The following NAV1 variants were observed in gnomAD, a reference collection of about 807,000 sequenced individuals.
NAV1 encodes the protein pore membrane and/or filament interacting like protein 3.
Under a neutral mutation model 175.2 loss-of-function variants are expected in NAV1, and 18 were observed. The observed-to-expected ratio is 0.10, with a 90% confidence interval of 0.07 to 0.15. The LOEUF is 0.15. NAV1 is among the 10% of genes least tolerant of loss of function. The pLI is 1.00. For missense variants in NAV1, 1,731 were observed against 2,436.6 expected, an observed-to-expected ratio of 0.71 and a Z score of 6.10; for synonymous variants, 897 against 978.7, an observed-to-expected ratio of 0.92 and a Z score of 1.56.
intron 1 of NAV1, among the ~76,000 whole-genome samples, chr1:201,665,233 C>T (rs932936922): frequency 4.0e-5 from 6 of 148,860 alleles, no homozygotes; most frequent in Non-Finnish European, 8.9e-5. Context: ...TCCAGTTGGG[C>T]TCCTCTCCGT....
intron 1 of NAV1, among the ~76,000 whole-genome samples, chr1:201,703,537 C>T (rs1339459037): frequency 6.6e-6 from 1 of 152,348 alleles, no homozygotes; most frequent in East Asian, 1.9e-4. Context: ...GCCAGGCACC[C>T]TCTCCTGGTC....
intron 1 of NAV1, among the ~76,000 whole-genome samples, chr1:201,656,993 C>T (rs531284020): frequency 6.6e-6 from 1 of 152,320 alleles, no homozygotes; most frequent in South Asian, 2.1e-4. Context: ...ACCCAGCAGG[C>T]CCTGCCTTCT....
Position 201,565,673 on chromosome 1 carries a change from C to G in NAV1, c.-143-22866C>G, listed in dbSNP as rs1666334411. ...TGAGGCAGTATCGCTATTTGCAAAG[C>G]GTTTTGCAATCATTTTTATTAGCAG... On this transcript the variant is annotated intron_variant, in intron 1 of 33. Transcript: ENST00000685211. Among the ~76,000 whole-genome samples, 2 of 152,206 alleles carry G rather than the reference C, an allele frequency of 1.3e-5. 1 individual carries two copies. The highest frequency in any genetic ancestry group is 4.1e-4 in the South Asian group (2 of 4,832).
rs1571495092 is a variant in NAV1 at position 201,788,713 on chromosome 1, A to G, written c.3166+75A>G. On this transcript the variant is annotated intron_variant, in intron 10 of 29. Coordinates refer to ENST00000367296, the Ensembl canonical transcript of NAV1. This position sits in a 1 kb window ranked among gnomAD's most constrained non-coding sequence, Gnocchi z 5.7. ...CCCCTCACCCACCACCTCCACTCCCACCACTCCTACCACCACACACATATA... is the reference window on the plus strand; with the variant it reads ...CCCCTCACCCACCACCTCCACTCCCGCCACTCCTACCACCACACACATATA... 3.6e-6 allele frequency: 5 copies of G among 1,402,162 alleles called. No individual in the cohort carries two copies. In the East Asian group the frequency reaches 1.2e-4, roughly 32 times the overall value. The allele number at this position is 1,402,162 out of a possible 1,614,324, so 86.9% of individuals were successfully genotyped here. A position where few individuals can be genotyped will look rare whatever the true frequency, so the allele number is the denominator to read the frequency against.
rs34738806 is a variant in NAV1, at chr1:201,813,672, T to TAA, written c.5340+424_5340+425dup. 5.0e-4 allele frequency among the ~76,000 whole-genome samples: 74 copies of TAA among 148,402 alleles called. No individual in the cohort carries two copies. Among genetic ancestry groups the TAA allele is most frequent in the Admixed American group, 7.3e-4 (11 of 14,970 alleles). On this transcript the variant is annotated intron_variant, in intron 28 of 29. Transcript: ENST00000367296. The surrounding 1 kb of genome is among the most constrained non-coding windows in gnomAD (Gnocchi z 4.2). The stretch of plus-strand genomic sequence containing the variant: ...TGACCTTTTTAAATACCCTCATATG[T>TAA]AAAAAAAAAAAGGAGACATCACCTT...
intron 13 of NAV1, 195 bp from the exon 18 acceptor site, chr1:201,793,597 G>A (rs1044097990): frequency 3.6e-6 from 2 of 557,162 alleles, no homozygotes; most frequent in Admixed American, 6.2e-5. Context: ...CAAGAAGCTG[G>A]TTCCCACCAG....
intron 2 of NAV1, among the ~76,000 whole-genome samples, chr1:201,609,642 G>A (rs1667790047): frequency 6.6e-6 from 1 of 152,222 alleles, no homozygotes; most frequent in South Asian, 2.1e-4. Context: ...GAGCTGACAG[G>A]TCTGGTGGGA....
chr1:201,548,268 T>C (rs115104981), intron 1 of NAV1, among the ~76,000 whole-genome samples: 1,799 of 152,332 alleles, frequency 0.012, 17 homozygotes, highest in Non-Finnish European at 0.019. Context: ...CTGGGCAGGC[T>C]GTAAATAGCT....
chr1:201,776,358 A>T (rs1389089777), intron 3 of NAV1, among the ~76,000 whole-genome samples: 1 of 149,844 alleles, frequency 6.7e-6, no homozygotes, highest in African/African-American at 2.4e-5. Flanking sequence ...AAAAAAAAAA[A>T]AGTTCGGGCA....
intron 3 of NAV1, among the ~76,000 whole-genome samples, chr1:201,777,597 AT>A (rs201612005): frequency 1.6e-5 from 2 of 125,182 alleles, no homozygotes; most frequent in Admixed American, 7.8e-5. Flanking sequence ...TTTAACTTTT[AT>A]TTTTTTTTCA....
At position 201,811,895 on chromosome 1, in the gene NAV1, C is replaced by T. The variant is rs776822063; in HGVS notation, c.4953-8C>T. ...CTAAGTGAATCTTTTTCCCCTTTCT[C>T]CCTACAGTCCCTATATTATAGGTAC... On this transcript the variant is annotated splice_region_variant and splice_polypyrimidine_tract_variant and intron_variant, in intron 25 of 29. Transcript: ENST00000367296. 5 of 1,614,046 alleles carry T rather than the reference C, an allele frequency of 3.1e-6. No homozygotes were observed. Among genetic ancestry groups the T allele is most frequent in the East Asian group, 4.5e-5 (2 of 44,878 alleles).
At chr1:201,684,340 A>G (rs1670586036) in intron 1 of NAV1, among the ~76,000 whole-genome samples, 1 of 152,136 alleles carries the variant, frequency 6.6e-6, no homozygotes, top group Admixed American at 6.5e-5. Flanking sequence ...ATGTAAACAT[A>G]GCTGTCTATC....
rs1310533801 is a variant in NAV1 at position 201,782,268 on chromosome 1, C to T, written c.1756C>T (p.Leu586=). Residue 586 remains leucine (L), a synonymous_variant, in exon 6 of 30, where the codon CTG becomes TTG. Transcript: ENST00000367296. This position sits in a 1 kb window ranked among gnomAD's most constrained non-coding sequence, Gnocchi z 5.4. The stretch of plus-strand genomic sequence containing the variant: ...CTCCTCTGATGCTGGTCGGGACCGC[C>T]TGAGTGATGCTAAGAAGCCCCCCTC... The T allele has an allele frequency of 1.9e-6, 3 of 1,614,106 alleles. No individual in the cohort carries two copies. Among genetic ancestry groups the T allele is most frequent in the Admixed American group, 1.7e-5 (1 of 60,010 alleles).
rs557452027 is a variant in NAV1 at position 201,649,307 on chromosome 1, C to T, written c.639C>T (p.Ser213=). ...CCAGCAAGGCCAAGGCGCAAAAGAG[C>T]TCTGGGCCTGTCCCCTCTGCCAAGG... The change falls in exon 1 of 30, where the codon AGC becomes AGT. Residue 213 remains serine (S), a synonymous_variant. Coordinates refer to ENST00000367296, the Ensembl canonical transcript of NAV1. The T allele has an allele frequency of 9.9e-6, 16 of 1,612,918 alleles. No homozygotes were observed. The African/African-American group carries it at 1.7e-4, about 17-fold the overall frequency.
At chr1:201,713,615 G>A (rs1265498838) in intron 2 of NAV1, among the ~76,000 whole-genome samples, 1 of 152,240 alleles carries the variant, frequency 6.6e-6, no homozygotes. Flanking sequence ...GGACTGCCCA[G>A]ATGAGCTCAT....
intron 7 of NAV1, 53 bp from the exon 12 acceptor site, chr1:201,785,257 G>A: frequency 6.3e-7 from 1 of 1,584,870 alleles, no homozygotes; most frequent in South Asian, 1.1e-5. Context: ...TCCTAAGATG[G>A]ACCCACATGC....
chr1:201,598,883 C>T (rs1558012698), intron 2 of NAV1, among the ~76,000 whole-genome samples: 1 of 152,166 alleles, frequency 6.6e-6, no homozygotes, highest in South Asian at 2.1e-4. Context: ...CTGTGGCTTA[C>T]CCTGGAGCTG....
At chr1:201,715,411 C>T (rs1280487396) in intron 2 of NAV1, among the ~76,000 whole-genome samples, 1 of 152,158 alleles carries the variant, frequency 6.6e-6, no homozygotes, top group Non-Finnish European at 1.5e-5. Flanking sequence ...CCACCCACTT[C>T]GGCCACCCAA....
At chr1:201,809,859 C>A in intron 22 of NAV1, 87 bp from the exon 27 acceptor site, 1 of 1,283,054 alleles carries the variant, frequency 7.8e-7, no homozygotes, top group Non-Finnish European at 1.1e-6. Context: ...CCATCTATTT[C>A]TGTTTCCTCT....
Sources: gnomAD v4.1 joint callset for allele counts (sites outside exome capture counted in the v4.1 genomes callset) on GRCh38, gnomAD v4.1.1 for gene constraint, Gnocchi (gnomAD v3.1) non-coding constraint, MANE v1.5 for transcripts, NCBI Gene and HGNC (gene_info 2026-07-23, HGNC 2026-07-21) for gene names.